AGAP3: variants seen among roughly 807,000 people sequenced by gnomAD.
AGAP3 encodes ArfGAP with GTPase domain, ankyrin repeat and PH domain 3, also known as arf-GAP with GTPase, ANK repeat and PH domain-containing protein 3.
AGAP3 carries 24 observed loss-of-function variants against 96.9 expected under a neutral mutation model. The observed-to-expected ratio is 0.25, with a 90% CI of 0.18 to 0.35. The LOEUF (loss-of-function observed/expected upper bound fraction) is 0.35. AGAP3 is among the 10% of genes least tolerant of loss of function. AGAP3 has a pLI of 1.00. For synonymous variants in AGAP3, 563 were observed against 536.1 expected (o/e 1.05, Z -0.69); for missense variants, 876 against 1,254.2 (o/e 0.70, Z 4.55).
At chr7:151,089,765 C>G (rs1044327295) in intron 1 of AGAP3, 2 of 151,708 alleles carry the variant, frequency 1.3e-5, no homozygotes, top group African/African-American at 4.8e-5. Flanking sequence ...AAAGAGAAAA[C>G]CTGCCCATTA....
At chr7:151,098,091 G>C (rs1798683825) in intron 1 of AGAP3, among the ~76,000 whole-genome samples, 1 of 152,286 alleles carries the variant, frequency 6.6e-6, no homozygotes, top group South Asian at 2.1e-4. Flanking sequence ...AAGCGCGGTG[G>C]CTCACACCTG....
chr7:151,133,506 C>T lies in AGAP3; in HGVS notation c.1327-894C>T, dbSNP rs569048927. 1.2e-4 allele frequency among the ~76,000 whole-genome samples: 19 copies of T among 152,192 alleles called. No homozygotes were observed. Among genetic ancestry groups the T allele is most frequent in the Admixed American group, 3.3e-4 (5 of 15,304 alleles). ...CAAGCACAAAGTGGCCCCCCATCTC[C>T]GGGGCCCTGACTTGAAAGCAGGGTG... On this transcript the variant is annotated intron_variant, in intron 10 of 17. Transcript: ENST00000397238. The surrounding 1 kb of genome is among the most constrained non-coding windows in gnomAD (Gnocchi z 5.4).
chr7:151,141,869 C>T lies in AGAP3; in HGVS notation c.1805-29C>T. The T allele has an allele frequency of 1.3e-5, 21 of 1,614,060 alleles. No homozygotes were observed. Among genetic ancestry groups the T allele is most frequent in the Non-Finnish European group, 1.7e-5 (20 of 1,179,984 alleles). On this transcript the variant is annotated intron_variant, in intron 13 of 17. Transcript: ENST00000397238. The surrounding 1 kb of genome is among the most constrained non-coding windows in gnomAD (Gnocchi z 4.2). ...CCTGGGTGTGCACGCAGGCCAGGAG[C>T]CCTGATGGCATAAACACCCCCCCAA...
At position 151,143,725 on chromosome 7, in the gene AGAP3, T is replaced by C. The variant is rs781074108; in HGVS notation, c.2530-12T>C. The C allele has an allele frequency of 5.6e-6, 9 of 1,614,002 alleles. No homozygotes were observed. The South Asian group carries it at 9.9e-5, about 18-fold the overall frequency. ...TGTCTTGCCAACTGTCAACATGTGT[T>C]TTCTCCTACAGTACGGGGTGGACGT... On this transcript the variant is annotated splice_polypyrimidine_tract_variant and intron_variant, in intron 17 of 17. Transcript: ENST00000397238. This position sits in a 1 kb window ranked among gnomAD's most constrained non-coding sequence, Gnocchi z 5.9.
intron 8 of AGAP3, chr7:151,123,195 C>G (rs974851742): frequency 5.7e-6 from 6 of 1,050,300 alleles, no homozygotes; most frequent in Non-Finnish European, 6.9e-6. Context: ...GCTCCGGAAG[C>G]CGCCGCCGCC....
At chr7:151,087,158 G>A (rs1798189689) in intron 1 of AGAP3, 86 bp downstream of exon 1, 1 of 1,416,872 alleles carries the variant, frequency 7.1e-7, no homozygotes, top group Non-Finnish European at 9.7e-7. Flanking sequence ...GCCTGGCCAT[G>A]CTCTCCCTGT....
In AGAP3 at chr7:151,141,732, C is replaced by A; in HGVS notation, c.1805-166C>A. The A allele has an allele frequency of 2.6e-6, 2 of 766,554 alleles. No individual in the cohort carries two copies. The highest frequency in any genetic ancestry group is 4.3e-6 in the Non-Finnish European group (2 of 466,506). 47.5% of individuals were successfully genotyped at this position (766,554 alleles called of 1,614,324 possible). ...CACTAGTCTTGCAGGTTTACTCTGG[C>A]CTCCCCCTGCAAGCTGTCCTGGAGT... On this transcript the variant is annotated intron_variant, in intron 13 of 17. Transcript: ENST00000397238. The surrounding 1 kb of genome is among the most constrained non-coding windows in gnomAD (Gnocchi z 4.2).
chr7:151,116,796 C>G lies in AGAP3; in HGVS notation c.335C>G (p.Ser112Trp). The stretch of plus-strand genomic sequence containing the variant: ...GGGGCGGCTCTGTCTTCCGCAGACT[C>G]GTTTGTGAACAGCCAGGAGTGGACG... Reference protein sequence around the residue: ...IREHVISIEDSFVNSQEWTLS... With the variant: ...IREHVISIEDWFVNSQEWTLS... The change falls in exon 2 of 18, where the codon TCG becomes TGG. Residue 112 changes from serine (S) to tryptophan (W), a missense_variant. Coordinates refer to ENST00000397238, the MANE Select transcript of AGAP3 (RefSeq NM_031946.7). 1.2e-6 allele frequency: 2 copies of G among 1,614,080 alleles called. No homozygotes were observed. Among genetic ancestry groups the G allele is most frequent in the Non-Finnish European group, 1.7e-6 (2 of 1,180,006 alleles).
At chr7:151,123,718 G>T in intron 8 of AGAP3, 76 bp from the exon 9 acceptor site, 1 of 1,591,764 alleles carries the variant, frequency 6.3e-7, no homozygotes. Context: ...AGGCAGGAGG[G>T]AGGCCGGGAA....
At position 151,096,210 on chromosome 7, in the gene AGAP3, T is replaced by C. The variant is rs1244766091; in HGVS notation, c.331+9138T>C. Reference sequence around the variant, plus strand: ...GCTGTCATCACCGCCTGCGTGGGGATGCGTGAGGTGAGGGCTGCATGAGAT... The same window carrying C: ...GCTGTCATCACCGCCTGCGTGGGGACGCGTGAGGTGAGGGCTGCATGAGAT... On this transcript the variant is annotated intron_variant, in intron 1 of 17. Transcript: ENST00000397238. This position sits in a 1 kb window ranked among gnomAD's most constrained non-coding sequence, Gnocchi z 4.4. 1.3e-5 allele frequency among the ~76,000 whole-genome samples: 2 copies of C among 152,158 alleles called. No individual in the cohort carries two copies. Among genetic ancestry groups the C allele is most frequent in the African/African-American group, 4.8e-5 (2 of 41,436 alleles).
At chr7:151,106,073 C>T (rs1240709313) in intron 1 of AGAP3, among the ~76,000 whole-genome samples, 1 of 152,066 alleles carries the variant, frequency 6.6e-6, no homozygotes, top group Non-Finnish European at 1.5e-5. Context: ...ACAGACCTGT[C>T]AGTGGCCAGC....
chr7:151,130,713 A>G (rs892513742), intron 10 of AGAP3, among the ~76,000 whole-genome samples: 1 of 152,074 alleles, frequency 6.6e-6, no homozygotes, highest in African/African-American at 2.4e-5. Context: ...TGGGCTACAC[A>G]CGGTGCAAAA....
chr7:151,131,002 C>G (rs1800381968), intron 10 of AGAP3: 1 of 152,304 alleles, frequency 6.6e-6, no homozygotes, highest in Non-Finnish European at 1.5e-5. Context: ...GGAAGCATGT[C>G]GAGGAAGGAG....
chr7:151,093,548 G>A (rs534986092), intron 1 of AGAP3, among the ~76,000 whole-genome samples: 1 of 152,164 alleles, frequency 6.6e-6, no homozygotes, highest in Non-Finnish European at 1.5e-5. Flanking sequence ...GTGGCTGCCC[G>A]GCCTCCCCTC....
intron 1 of AGAP3, among the ~76,000 whole-genome samples, chr7:151,116,068 C>G (rs1799566654): frequency 6.6e-6 from 1 of 152,148 alleles, no homozygotes; most frequent in South Asian, 2.1e-4. Flanking sequence ...GAGAGGGGTT[C>G]CCAGAGCTAG....
rs753877193 is a variant in AGAP3 at position 151,142,518 on chromosome 7, C to T, written c.2157C>T (p.Leu719=). Residue 719 remains leucine (L), a synonymous_variant, in exon 16 of 18, where the codon CTC becomes CTT. Coordinates refer to ENST00000397238, the MANE Select transcript of AGAP3 (RefSeq NM_031946.7). The surrounding 1 kb of genome is among the most constrained non-coding windows in gnomAD (Gnocchi z 7.5). ...AHLSRVRSLD[L]DDWPPELLAV... ...TGTCCCGGGTGCGCTCCCTTGACCT[C>T]GATGACTGGCCGCCTGAGCTGCTGG... 1.9e-6 allele frequency: 3 copies of T among 1,613,782 alleles called. No individual in the cohort carries two copies.
chr7:151,086,225 C>A (rs1444066591), upstream of AGAP3, among the ~76,000 whole-genome samples: 1 of 151,870 alleles, frequency 6.6e-6, no homozygotes, highest in African/African-American at 2.4e-5. Flanking sequence ...CGGGTGGGGG[C>A]TGGTGAGGAG....
In AGAP3 at chr7:151,138,283, A is replaced by G. The variant is rs1483645885; in HGVS notation, c.1636A>G (p.Thr546Ala). The change falls in exon 12 of 18, where the codon ACT (threonine) becomes GCT (alanine). Residue 546 changes from threonine to alanine, a missense_variant. This residue lies in a region of AGAP3 where 155 missense variants were observed against 144.4 expected (regional missense o/e 1.07). Coordinates refer to ENST00000397238, the MANE Select transcript of AGAP3 (RefSeq NM_031946.7). ...CGCCGACCAGTGGAGTGAGGCCACC[A>G]CTTCCCTGCCCCCAGGCATGCAGCA... ...SSADQWSEATTSLPPGMQHPA... is the reference protein window; with the variant it reads ...SSADQWSEATASLPPGMQHPA... 3.1e-6 allele frequency: 5 copies of G among 1,612,480 alleles called. No homozygotes were observed. The highest frequency in any genetic ancestry group is 1.7e-5 in the Admixed American group (1 of 59,970).
rs1464884005 is a variant in AGAP3, at chr7:151,143,089, T to C, written c.2274-252T>C. ...GCCCTCTCAGCCCCCGCATCCCCAC[T>C]GTCCCCAGGGGGCCTCCCTTCAGTG... On this transcript the variant is annotated intron_variant, in intron 16 of 17. Transcript: ENST00000397238. This position sits in a 1 kb window ranked among gnomAD's most constrained non-coding sequence, Gnocchi z 5.9. Among the ~76,000 whole-genome samples the C allele has an allele frequency of 6.6e-6, 1 of 152,204 alleles. No individual in the cohort carries two copies. The highest frequency in any genetic ancestry group is 2.4e-5 in the African/African-American group (1 of 41,460).
Sources: allele counts gnomAD v4.1 joint callset (sites outside exome capture counted in the v4.1 genomes callset), GRCh38; gene constraint gnomAD v4.1.1; regional missense constraint gnomAD v4.1.1; non-coding constraint Gnocchi (gnomAD v3.1); transcripts MANE v1.5; gene names NCBI Gene and HGNC (gene_info 2026-07-23, HGNC 2026-07-21).